GSE1: variants seen among roughly 807,000 people sequenced by gnomAD.
GSE1 encodes Gse1 coiled-coil protein.
GSE1 carries 32 observed loss-of-function variants against 112.6 expected under a neutral mutation model. The observed-to-expected ratio is 0.28, with a 90% CI of 0.21 to 0.38. GSE1 has a LOEUF of 0.38. Ranked by LOEUF, GSE1 falls within the 10% of genes least tolerant of loss-of-function variation. The pLI is 1.00. For missense variants in GSE1, 2,348 were observed against 1,699.2 expected (o/e 1.38, Z -6.71); for synonymous variants, 1,115 against 735.6 (o/e 1.52, Z -8.35).
chr16:85,248,348 CTCTG>C (rs1906089855), intron 1 of GSE1, among the ~76,000 whole-genome samples: 1 of 152,126 alleles, frequency 6.6e-6, no homozygotes, highest in African/African-American at 2.4e-5. Flanking sequence ...TCCTCAGTAG[CTCTG>C]TCTTTCTCTC....
chr16:85,627,870 C>G (rs530468005), intron 1 of GSE1, among the ~76,000 whole-genome samples: 1 of 152,372 alleles, frequency 6.6e-6, no homozygotes, highest in African/African-American at 2.4e-5. Flanking sequence ...CCTCTCCCCG[C>G]CATCCCTGTG....
intron 2 of GSE1, among the ~76,000 whole-genome samples, chr16:85,442,395 C>T (rs1047951813): frequency 3.3e-5 from 5 of 152,032 alleles, no homozygotes; most frequent in Non-Finnish European, 5.9e-5. Flanking sequence ...CCTGGCCCAG[C>T]GCTGGGTGTC....
intron 2 of GSE1, among the ~76,000 whole-genome samples, chr16:85,488,512 C>T (rs946669757): frequency 6.6e-6 from 1 of 151,896 alleles, no homozygotes; most frequent in African/African-American, 2.4e-5. Context: ...GGTCCAAGCT[C>T]CCTGTTCCTG....
intron 1 of GSE1, among the ~76,000 whole-genome samples, chr16:85,579,596 G>A (rs1236896909): frequency 6.6e-6 from 1 of 152,176 alleles, no homozygotes; most frequent in Non-Finnish European, 1.5e-5. Flanking sequence ...AGGGGCCTGG[G>A]GGATTCCCCA....
rs964152787 is a variant in GSE1 at position 85,186,901 on chromosome 16, CACTG to C, written c.2283+15097_2283+15100del. On this transcript the variant is annotated intron_variant, in intron 1 of 2. Transcript: ENST00000637419. ...ATGTATCGATTACAAGACATTATCT[CACTG>C]ACCCTGTAAACAGGACCCTCTGACG... Among the ~76,000 whole-genome samples, 3 of 152,212 alleles carry C rather than the reference CACTG, an allele frequency of 2.0e-5. 1 individual carries two copies. Among genetic ancestry groups the C allele is most frequent in the Middle Eastern group, 6.3e-3 (2 of 316 alleles).
intron 1 of GSE1, among the ~76,000 whole-genome samples, chr16:85,633,138 C>T (rs980027410): frequency 2.0e-5 from 3 of 152,212 alleles, no homozygotes; most frequent in Non-Finnish European, 4.4e-5. Context: ...TTTGGATTTG[C>T]GGTTTTCTGT....
At chr16:85,291,145 G>A (rs2045197882) in intron 1 of GSE1, among the ~76,000 whole-genome samples, 1 of 152,228 alleles carries the variant, frequency 6.6e-6, no homozygotes, top group African/African-American at 2.4e-5. Flanking sequence ...TACAGAAGGG[G>A]AAACTGAGGC....
intron 2 of GSE1, among the ~76,000 whole-genome samples, chr16:85,424,991 G>A (rs1193664289): frequency 6.6e-6 from 1 of 152,278 alleles, no homozygotes; most frequent in Non-Finnish European, 1.5e-5. Flanking sequence ...GGCAGCTGGA[G>A]CAGGGCAGGC....
intron 1 of GSE1, among the ~76,000 whole-genome samples, chr16:85,193,583 C>T (rs1227639426): frequency 1.3e-5 from 2 of 152,158 alleles, no homozygotes; most frequent in Non-Finnish European, 2.9e-5. Flanking sequence ...CCTCAGCCTC[C>T]CGAGTAGCTG....
chr16:85,537,839 C>A (rs963345754), intron 2 of GSE1, among the ~76,000 whole-genome samples: 1 of 152,168 alleles, frequency 6.6e-6, no homozygotes, highest in African/African-American at 2.4e-5. Context: ...GAGGCTGGGG[C>A]GGTTGGGGTG....
intron 2 of GSE1, among the ~76,000 whole-genome samples, chr16:85,522,526 TGTTCTGAG>T (rs1159098916): frequency 6.6e-6 from 1 of 152,238 alleles, no homozygotes; most frequent in African/African-American, 2.4e-5. Context: ...CCAGTGGTGC[TGTTCTGAG>T]AACTGCCTGT....
chr16:85,543,815 T>A (rs990608090), intron 2 of GSE1, among the ~76,000 whole-genome samples: 2 of 150,490 alleles, frequency 1.3e-5, no homozygotes, highest in African/African-American at 5.0e-5. Flanking sequence ...TTTTGCTCCT[T>A]GGGGGACAGT....
chr16:85,313,941 TGTGTGTGACATAGCCTA>T (rs1175263229), intron 1 of GSE1, among the ~76,000 whole-genome samples: 4,515 of 147,636 alleles, frequency 0.031, 234 homozygotes, highest in African/African-American at 0.11. Context: ...TGTGTGTGTG[TGTGTGTGACATAGCCTA>T]GTGTGTGTGT....
Position 85,663,535 on chromosome 16 carries a change from C to T in GSE1, c.2565C>T (p.Asn855=). ...CCCGCTACAGCCCTGATGAGATGAACAACAGTCCCAACTTCGAAGAAAAGA... is the reference window on the plus strand; with the variant it reads ...CCCGCTACAGCCCTGATGAGATGAATAACAGTCCCAACTTCGAAGAAAAGA... ...LSTRYSPDEM[N]NSPNFEEKKK... The change falls in exon 11 of 16, where the codon AAC becomes AAT. Residue 855 remains asparagine, a synonymous_variant. Transcript: ENST00000253458. 1.9e-6 allele frequency: 3 copies of T among 1,613,818 alleles called. No individual in the cohort carries two copies. The highest frequency in any genetic ancestry group is 8.5e-7 in the Non-Finnish European group (1 of 1,179,946).
intron 2 of GSE1, among the ~76,000 whole-genome samples, chr16:85,401,580 T>G (rs1002435960): frequency 1.8e-4 from 27 of 152,036 alleles, no homozygotes; most frequent in African/African-American, 6.3e-4. Context: ...GACTTCTACC[T>G]GTGGGGCGGC....
In GSE1 at chr16:85,562,182, C is replaced by T. The variant is rs1024839994; in HGVS notation, c.37+5819C>T. 4.0e-5 allele frequency among the ~76,000 whole-genome samples: 6 copies of T among 150,770 alleles called. No individual in the cohort carries two copies. In the East Asian group the frequency reaches 9.6e-4, roughly 24 times the overall value. On this transcript the variant is annotated intron_variant, in intron 1 of 2. Transcript: ENST00000635906. ...GCTTATTTACAGCTCAGAAACTCAG[C>T]GGGGACAGGCATTTCGGCTTCCATC...
intron 1 of GSE1, among the ~76,000 whole-genome samples, chr16:85,631,954 G>A (rs1347180777): frequency 6.6e-6 from 1 of 152,274 alleles, no homozygotes; most frequent in African/African-American, 2.4e-5. Flanking sequence ...GGCCCGCCTT[G>A]GGGGCAGCGT....
intron 2 of GSE1, among the ~76,000 whole-genome samples, chr16:85,546,512 G>A (rs1253793744): frequency 6.6e-6 from 1 of 152,266 alleles, no homozygotes. Context: ...TGTAGGATTG[G>A]TGGGGAGCCA....
At chr16:85,252,298 G>A (rs891384435) in intron 1 of GSE1, among the ~76,000 whole-genome samples, 3 of 152,222 alleles carry the variant, frequency 2.0e-5, no homozygotes, top group East Asian at 1.9e-4. Context: ...GAATCTGGTG[G>A]CAGGAGGGGG....
Sources: gnomAD v4.1 joint callset for allele counts (sites outside exome capture counted in the v4.1 genomes callset) on GRCh38, gnomAD v4.1.1 for gene constraint, MANE v1.5 for transcripts, NCBI Gene and HGNC (gene_info 2026-07-23, HGNC 2026-07-21) for gene names.